Variants in CELF4 observed in about 807,000 individuals in gnomAD.
CELF4 encodes the protein CUGBP Elav-like family member 4.
In CELF4, 18 loss-of-function variants were observed where a neutral mutation model predicts 59.9. The ratio of observed to expected loss-of-function variants is 0.30; its 90% CI spans 0.21 to 0.45. CELF4 has a LOEUF of 0.45. CELF4 is among the 20% of genes least tolerant of loss of function. The pLI, the probability that CELF4 is intolerant of heterozygous loss-of-function variation, is 1.00. For missense variants in CELF4, 456 were observed against 689.0 expected, an observed-to-expected ratio of 0.66 and a Z score of 3.79; for synonymous variants, 261 against 267.1, an observed-to-expected ratio of 0.98 and a Z score of 0.22.
chr18:37,504,295 A>G (rs924325736), intron 1 of CELF4, among the ~76,000 whole-genome samples: 1 of 152,078 alleles, frequency 6.6e-6, no homozygotes, highest in African/African-American at 2.4e-5. Flanking sequence ...GTTCAAGATC[A>G]GCCTGGCCAA....
intron 1 of CELF4, among the ~76,000 whole-genome samples, chr18:37,555,934 G>C (rs563766138): frequency 4.1e-4 from 63 of 152,270 alleles, no homozygotes; most frequent in African/African-American, 1.5e-3. Context: ...GCGTGTTCAC[G>C]TGTATGTAAG....
At chr18:37,405,951 T>C (rs866234150) in intron 2 of CELF4, among the ~76,000 whole-genome samples, 1 of 152,150 alleles carries the variant, frequency 6.6e-6, no homozygotes, top group Non-Finnish European at 1.5e-5. Flanking sequence ...ATAACTTACA[T>C]GCATAACACC....
chr18:37,312,753 AC>A (rs1310327474), intron 3 of CELF4, among the ~76,000 whole-genome samples: 2 of 152,024 alleles, frequency 1.3e-5, no homozygotes, highest in South Asian at 2.1e-4. Context: ...GCTCCTGCCC[AC>A]CCCCCAGGCC....
Position 37,253,601 on chromosome 18 carries a change from G to T in CELF4, c.*44+166C>A, listed in dbSNP as rs907549717. ...CCAGGCCCATTTCTGCCGGGGTGAC[G>T]GCAGCTCTGCGCCTGGCCCGAGGAG... is the stretch of plus-strand genomic sequence containing the variant. On this transcript the variant is annotated intron_variant, in intron 12 of 12. Coordinates refer to ENST00000420428, the MANE Select transcript of CELF4 (RefSeq NM_020180.4). The surrounding 1 kb of genome is among the most constrained non-coding windows in gnomAD (Gnocchi z 4.5). Among the ~76,000 whole-genome samples the T allele has an allele frequency of 1.3e-5, 2 of 152,162 alleles. No homozygotes were observed. Among genetic ancestry groups the T allele is most frequent in the African/African-American group, 2.4e-5 (1 of 41,438 alleles).
At chr18:37,517,608 C>G (rs1416511878) in intron 1 of CELF4, among the ~76,000 whole-genome samples, 1 of 152,182 alleles carries the variant, frequency 6.6e-6, no homozygotes, top group African/African-American at 2.4e-5. Context: ...GTCTAACATA[C>G]CTGTCTAACT....
At chr18:37,478,823 T>G (rs1328656124) in intron 2 of CELF4, among the ~76,000 whole-genome samples, 3 of 152,198 alleles carry the variant, frequency 2.0e-5, no homozygotes, top group African/African-American at 7.2e-5. Flanking sequence ...TGGTGTTCCC[T>G]TCTGTATAAT....
At chr18:37,419,160 AG>A (rs755641566) in intron 2 of CELF4, among the ~76,000 whole-genome samples, 1 of 152,206 alleles carries the variant, frequency 6.6e-6, no homozygotes, top group Non-Finnish European at 1.5e-5. Flanking sequence ...AGCACCCAGA[AG>A]GGGCTAAGTC....
intron 3 of CELF4, among the ~76,000 whole-genome samples, chr18:37,319,199 G>A (rs372065147): frequency 4.6e-5 from 7 of 152,214 alleles, no homozygotes; most frequent in East Asian, 1.9e-4. Context: ...GACACCCCTC[G>A]CACTGCTGTG....
At chr18:37,334,834 A>G (rs1377177767) in intron 2 of CELF4, among the ~76,000 whole-genome samples, 7 of 152,106 alleles carry the variant, frequency 4.6e-5, no homozygotes, top group Non-Finnish European at 7.4e-5. Context: ...CAAAGCCCAC[A>G]CCAAGTAAAT....
At chr18:37,347,622 C>T (rs2098310954) in intron 2 of CELF4, among the ~76,000 whole-genome samples, 2 of 152,148 alleles carry the variant, frequency 1.3e-5, no homozygotes, top group Non-Finnish European at 2.9e-5. Flanking sequence ...CCTCACTTCC[C>T]TTTCTCCTGA....
At chr18:37,437,821 G>A (rs2099698056) in intron 2 of CELF4, among the ~76,000 whole-genome samples, 1 of 152,194 alleles carries the variant, frequency 6.6e-6, no homozygotes, top group African/African-American at 2.4e-5. Context: ...TTCCAGCTAA[G>A]TGCCTCTGTT....
At chr18:37,272,887 G>A in intron 7 of CELF4, 129 bp downstream of exon 7, 2 of 893,960 alleles carry the variant, frequency 2.2e-6, no homozygotes, top group South Asian at 3.6e-5. Flanking sequence ...CAGAAGGCAA[G>A]TCCTCTCGGG....
chr18:37,427,534 A>G (rs2099621690), intron 2 of CELF4, among the ~76,000 whole-genome samples: 1 of 151,562 alleles, frequency 6.6e-6, no homozygotes, highest in African/African-American at 2.4e-5. Flanking sequence ...GCCTCTGGGG[A>G]CCCTTACAGC....
intron 2 of CELF4, among the ~76,000 whole-genome samples, chr18:37,364,929 T>C (rs1603628697): frequency 6.6e-6 from 1 of 151,682 alleles, no homozygotes; most frequent in Admixed American, 6.6e-5. Flanking sequence ...CTAGAGGAGG[T>C]AGGAGAGACG....
chr18:37,402,457 AC>A (rs925156444), intron 2 of CELF4, among the ~76,000 whole-genome samples: 8 of 151,566 alleles, frequency 5.3e-5, no homozygotes, highest in African/African-American at 1.7e-4. Flanking sequence ...CCCTTCTCTA[AC>A]CCCTTTGAGC....
chr18:37,435,562 GT>G, intron 2 of CELF4, among the ~76,000 whole-genome samples: 1 of 152,280 alleles, frequency 6.6e-6, no homozygotes, highest in South Asian at 2.1e-4. Context: ...CAACTGCCAG[GT>G]TTTGAACTTA....
intron 3 of CELF4, among the ~76,000 whole-genome samples, chr18:37,304,935 T>C (rs1255355207): frequency 2.0e-5 from 3 of 152,042 alleles, no homozygotes; most frequent in Non-Finnish European, 2.9e-5. Context: ...GTGGTCCCAA[T>C]TGGCCTCCAC....
chr18:37,470,866 GTGTGT>G, intron 2 of CELF4, among the ~76,000 whole-genome samples: 1 of 124,978 alleles, frequency 8.0e-6, no homozygotes, highest in Non-Finnish European at 1.7e-5. Flanking sequence ...GTGTGTGTGT[GTGTGT>G]GTGTGTGTGT....
chr18:37,453,451 T>C (rs910641828), intron 2 of CELF4, among the ~76,000 whole-genome samples: 2 of 152,206 alleles, frequency 1.3e-5, no homozygotes, highest in Non-Finnish European at 2.9e-5. Context: ...ACTGACCGTG[T>C]GACACTCTTG....
Sources: allele counts gnomAD v4.1 joint callset (sites outside exome capture counted in the v4.1 genomes callset), GRCh38; gene constraint gnomAD v4.1.1; non-coding constraint Gnocchi (gnomAD v3.1); transcripts MANE v1.5; gene names NCBI Gene and HGNC (gene_info 2026-07-23, HGNC 2026-07-21).